The following SPINK5 variants were observed in gnomAD, a reference collection of about 807,000 sequenced individuals.
SPINK5 encodes serine protease inhibitor Kazal-type 5.
Under a neutral mutation model 151.8 loss-of-function variants are expected in SPINK5, and 125 were observed. That is an observed-to-expected ratio of 0.82 (90% CI 0.71 to 0.96). SPINK5 has a LOEUF of 0.96. Among genes scored for constraint, SPINK5 ranks in the 40% least tolerant of loss-of-function variants. SPINK5 has a pLI of 0.00. For synonymous variants in SPINK5, 374 were observed against 395.3 expected (o/e 0.95, Z 0.64); for missense variants, 1,194 against 1,291.9 (o/e 0.92, Z 1.16).
intron 32 of SPINK5, among the ~76,000 whole-genome samples, chr5:148,135,319 C>A (rs1754671120): frequency 6.6e-6 from 1 of 152,162 alleles, no homozygotes; most frequent in Non-Finnish European, 1.5e-5. Context: ...TAGCTTTATG[C>A]CAGTCCAATA....
intron 28 of SPINK5, chr5:148,125,433 G>C: frequency 8.4e-7 from 1 of 1,186,372 alleles, no homozygotes; most frequent in East Asian, 2.5e-5. Context: ...CATGCTTCAT[G>C]GGGAAAATGG....
At chr5:148,084,276 T>TGA (rs1224235258) in intron 4 of SPINK5, among the ~76,000 whole-genome samples, 1 of 151,832 alleles carries the variant, frequency 6.6e-6, no homozygotes, top group African/African-American at 2.4e-5. Flanking sequence ...GCCCTTCTGG[T>TGA]GAGTATAAGG....
At chr5:148,125,472 A>G in intron 28 of SPINK5, 1 of 1,539,064 alleles carries the variant, frequency 6.5e-7, no homozygotes. Context: ...AACGGGAGAA[A>G]AAAACAGGAA....
chr5:148,108,601 T>TG, intron 17 of SPINK5, 152 bp from the exon 18 acceptor site: 1 of 1,054,022 alleles, frequency 9.5e-7, no homozygotes, highest in South Asian at 1.4e-5. Flanking sequence ...TCTGTACTAT[T>TG]GGTTAAAGCA....
chr5:148,119,148 C>A, intron 24 of SPINK5, 90 bp downstream of exon 24: 4 of 1,271,974 alleles, frequency 3.1e-6, no homozygotes, highest in South Asian at 1.2e-5. Context: ...TCAACATGAT[C>A]AAGCTAGAGC....
chr5:148,092,926 T>G (rs1394434326), intron 8 of SPINK5, among the ~76,000 whole-genome samples: 1 of 151,950 alleles, frequency 6.6e-6, no homozygotes, highest in Non-Finnish European at 1.5e-5. Flanking sequence ...CTAGAAAAGG[T>G]CCTACAGAGC....
At position 148,095,825 on chromosome 5, in the gene SPINK5, C is replaced by G. The variant is rs142558269; in HGVS notation, c.802C>G (p.Arg268Gly). 6.2e-7 allele frequency: 1 copy of G among 1,611,440 alleles called. No individual in the cohort carries two copies. The highest frequency in any genetic ancestry group is 1.7e-5 in the Admixed American group (1 of 59,806). Reference sequence around the variant, plus strand: ...TTATTTTACTTTTTCCAGCAAGCAGCGTTTTTCAGAGGAAAACAGTAAAAC... The same window carrying G: ...TTATTTTACTTTTTCCAGCAAGCAGGGTTTTTCAGAGGAAAACAGTAAAAC... ...CALCAEIFKQ[R>G]FSEENSKTDQ... The change falls in exon 10 of 33, where the codon CGT becomes GGT. Residue 268 changes from arginine (R) to glycine (G), a missense_variant. Arg to Gly is a moderately radical substitution (Grantham distance 125, BLOSUM62 -2). Coordinates refer to ENST00000256084, the MANE Select transcript of SPINK5 (RefSeq NM_006846.4).
chr5:148,102,861 A>G (rs1441981396), intron 15 of SPINK5, among the ~76,000 whole-genome samples: 1 of 152,110 alleles, frequency 6.6e-6, no homozygotes, highest in Non-Finnish European at 1.5e-5. Flanking sequence ...AAAGACAAGA[A>G]TGGAGATTTT....
intron 22 of SPINK5, 50 bp downstream of exon 22, chr5:148,116,516 C>T: frequency 6.5e-7 from 1 of 1,542,906 alleles, no homozygotes; most frequent in Non-Finnish European, 9.0e-7. Context: ...AACTCCTTGA[C>T]AATAGGACTG....
intron 4 of SPINK5, among the ~76,000 whole-genome samples, chr5:148,077,378 T>A (rs6889688): frequency 1.3e-5 from 2 of 150,562 alleles, no homozygotes; most frequent in African/African-American, 4.9e-5. Context: ...TCTCAAAAGC[T>A]ATCCTACAAA....
intron 17 of SPINK5, among the ~76,000 whole-genome samples, chr5:148,108,239 T>A (rs1753831645): frequency 6.6e-6 from 1 of 152,220 alleles, no homozygotes; most frequent in African/African-American, 2.4e-5. Flanking sequence ...TGAATCTAAC[T>A]GGACTTAAAT....
chr5:148,124,073 C>A, intron 27 of SPINK5, 113 bp downstream of exon 27: 2 of 1,184,090 alleles, frequency 1.7e-6, no homozygotes, highest in African/African-American at 1.5e-5. Context: ...TGATATGATA[C>A]CTCCTCTCTT....
Position 148,107,137 on chromosome 5 carries a change from A to G in SPINK5, c.1580A>G (p.Asn527Ser), listed in dbSNP as rs771753191. Residue 527 changes from asparagine (N) to serine (S), a missense_variant, in exon 17 of 33, where the codon AAC becomes AGC. Transcript: ENST00000256084. ...VRGPDGKMHG[N>S]KCAMCASVFK... ...GGCCCAGATGGCAAAATGCATGGAA[A>G]CAAGTGTGCCATGTGTGCCAGTGTG... 4.8e-5 allele frequency: 77 copies of G among 1,612,706 alleles called. No homozygotes were observed. Among genetic ancestry groups the G allele is most frequent in the Non-Finnish European group, 6.3e-5 (74 of 1,179,200 alleles).
At chr5:148,106,134 A>G (rs533547316) in intron 16 of SPINK5, among the ~76,000 whole-genome samples, 1 of 151,980 alleles carries the variant, frequency 6.6e-6, no homozygotes, top group South Asian at 2.1e-4. Flanking sequence ...ATCCTCTTAG[A>G]TATTTCCAGT....
intron 15 of SPINK5, among the ~76,000 whole-genome samples, chr5:148,103,635 A>T (rs1753704258): frequency 1.3e-5 from 2 of 152,196 alleles, no homozygotes; most frequent in Admixed American, 6.5e-5. Flanking sequence ...TATTTTAGTC[A>T]GTTTATTTCA....
chr5:148,136,949 T>A, intron 32 of SPINK5, 34 bp from the exon 33 acceptor site: 1 of 1,613,422 alleles, frequency 6.2e-7, no homozygotes, highest in Non-Finnish European at 8.5e-7. Context: ...TATCTCTGGG[T>A]TCTAGCATCT....
chr5:148,095,590 C>A lies in SPINK5; in HGVS notation c.795-228C>A, dbSNP rs6870820. On this transcript the variant is annotated intron_variant, in intron 9 of 32. Coordinates refer to ENST00000256084, the MANE Select transcript of SPINK5 (RefSeq NM_006846.4). ...CTTCAAAAAGGTAGAATTTAAGCTG[C>A]AGAGTTTTAAATTTCTTTTAAGAAA... Among the ~76,000 whole-genome samples, 76,606 of 151,768 alleles carry A rather than the reference C, an allele frequency of 0.5. 19,498 individuals carry two copies. Among genetic ancestry groups the A allele is most frequent in the Admixed American group, 0.61 (9,223 of 15,244 alleles).
intron 30 of SPINK5, among the ~76,000 whole-genome samples, chr5:148,129,056 GT>G (rs1381006666): frequency 6.6e-6 from 1 of 152,152 alleles, no homozygotes; most frequent in Non-Finnish European, 1.5e-5. Flanking sequence ...CTCTCAGAAG[GT>G]GACATTTACA....
intron 32 of SPINK5, among the ~76,000 whole-genome samples, chr5:148,135,224 TG>T (rs1384831291): frequency 6.6e-6 from 1 of 152,122 alleles, no homozygotes; most frequent in East Asian, 1.9e-4. Context: ...TCTTAGTAGT[TG>T]GCTCCCATTT....
Sources: allele counts gnomAD v4.1 joint callset (sites outside exome capture counted in the v4.1 genomes callset), GRCh38; gene constraint gnomAD v4.1.1; transcripts MANE v1.5; gene names NCBI Gene and HGNC (gene_info 2026-07-23, HGNC 2026-07-21).